Variants in GASK1A observed in about 807,000 individuals in gnomAD.
The protein encoded by GASK1A is golgi associated kinase 1A.
In GASK1A, 40 loss-of-function variants were observed where a neutral mutation model predicts 41.2. That is an observed-to-expected ratio of 0.97 (90% CI 0.75 to 1.27). GASK1A has a LOEUF of 1.27. Among genes scored for constraint, GASK1A ranks in the 50% most tolerant of loss-of-function variants. The probability of loss-of-function intolerance (pLI) is 0.00; values close to 1 mark genes in which losing one functional copy is unlikely to be tolerated. For synonymous variants in GASK1A, 316 were observed against 307.1 expected (o/e 1.03, Z -0.30); for missense variants, 678 against 745.1 (o/e 0.91, Z 1.05).
At chr3:43,015,901 G>GAGGGGCAGTGTAAAGCCACAGGT (rs2089488634) in intron 1 of GASK1A, among the ~76,000 whole-genome samples, 3 of 146,820 alleles carry the variant, frequency 2.0e-5, no homozygotes, top group Non-Finnish European at 4.5e-5. Context: ...AAGCCACAGG[G>GAGGGGCAGTGTAAAGCCACAGGT]AGGGGCAGTG....
chr3:43,044,410 C>T (rs531249365), intron 2 of GASK1A, among the ~76,000 whole-genome samples: 106 of 152,062 alleles, frequency 7.0e-4, no homozygotes, highest in Non-Finnish European at 1.4e-3. Flanking sequence ...AGTGCTTTTT[C>T]GGAGGGAACC....
intron 1 of GASK1A, among the ~76,000 whole-genome samples, chr3:42,985,297 C>T (rs998937080): frequency 1.3e-5 from 2 of 152,132 alleles, no homozygotes; most frequent in Admixed American, 1.3e-4. Flanking sequence ...CTGAGTCTTA[C>T]TCCCAAGTGA....
chr3:43,056,099 A>G (rs931309119), intron 4 of GASK1A, 77 bp from the exon 5 acceptor site: 2 of 1,201,834 alleles, frequency 1.7e-6, no homozygotes, highest in Non-Finnish European at 2.3e-6. Flanking sequence ...GCCATCTGGC[A>G]TCACCTGTTA....
At chr3:43,000,775 C>G (rs2089404785) in intron 1 of GASK1A, among the ~76,000 whole-genome samples, 1 of 152,186 alleles carries the variant, frequency 6.6e-6, no homozygotes, top group Admixed American at 6.5e-5. Context: ...TACAGTCATT[C>G]AACACACGGA....
chr3:43,002,865 C>T (rs1559398752), intron 1 of GASK1A, among the ~76,000 whole-genome samples: 1 of 152,168 alleles, frequency 6.6e-6, no homozygotes, highest in Non-Finnish European at 1.5e-5. Context: ...CATTGGTTTA[C>T]AGCCATCTCA....
chr3:43,029,147 A>G (rs971128844), intron 1 of GASK1A, among the ~76,000 whole-genome samples: 1 of 152,036 alleles, frequency 6.6e-6, no homozygotes, highest in Non-Finnish European at 1.5e-5. Flanking sequence ...AGGTGGATGG[A>G]AAGTATCCAT....
chr3:43,038,810 G>A (rs183970768), intron 2 of GASK1A, among the ~76,000 whole-genome samples: 16 of 152,196 alleles, frequency 1.1e-4, no homozygotes, highest in African/African-American at 3.4e-4. Context: ...TCAGAAGTGA[G>A]GTGTAATTCC....
Position 42,988,009 on chromosome 3 carries a change from A to AAAAAAAAAAAAT in GASK1A, c.3+8364_3+8365insAAAAAAAAAAAT, listed in dbSNP as rs1553613460. Among the ~76,000 whole-genome samples, 3 of 149,854 alleles carry AAAAAAAAAAAAT rather than the reference A, an allele frequency of 2.0e-5. 1 individual carries two copies. Among genetic ancestry groups the AAAAAAAAAAAAT allele is most frequent in the Non-Finnish European group, 4.5e-5 (3 of 67,258 alleles). ...GCGAGACTCTAGCTCAAAAAAAAAAAGGGATGGGGGTAGGATAGAGAGAAT... is the reference window on the plus strand; with the variant it reads ...GCGAGACTCTAGCTCAAAAAAAAAAAAAAAAAAAAAATGGGATGGGGGTAGGATAGAGAGAAT... On this transcript the variant is annotated intron_variant, in intron 1 of 4. Transcript: ENST00000430121.
In GASK1A at chr3:43,005,690, G is replaced by GA. The variant is rs747258514; in HGVS notation, c.3+26054dup. Among the ~76,000 whole-genome samples the GA allele has an allele frequency of 9.9e-4, 150 of 151,424 alleles. 1 individual carries two copies. Among genetic ancestry groups the GA allele is most frequent in the African/African-American group, 3.3e-3 (138 of 41,312 alleles). On this transcript the variant is annotated intron_variant, in intron 1 of 4. Coordinates refer to ENST00000430121, the MANE Select transcript of GASK1A (RefSeq NM_001129908.3). ...AGAAGATGAAAGTTTCTCTACTTAA[G>GA]AAAAAAAAATCGTAGGCTGGGGTTG...
chr3:42,987,151 G>A (rs1427848350), intron 1 of GASK1A, among the ~76,000 whole-genome samples: 4 of 152,270 alleles, frequency 2.6e-5, no homozygotes, highest in African/African-American at 7.2e-5. Flanking sequence ...TGCCATGAGA[G>A]CACACCTGAA....
chr3:43,007,079 T>C (rs927281444), intron 1 of GASK1A, among the ~76,000 whole-genome samples: 2 of 152,226 alleles, frequency 1.3e-5, no homozygotes, highest in Non-Finnish European at 2.9e-5. Context: ...CAGCCATTGC[T>C]ATTGAAGCTT....
intron 3 of GASK1A, 30 bp from the exon 4 acceptor site, chr3:43,055,402 C>T: frequency 2.0e-6 from 3 of 1,512,372 alleles, no homozygotes; most frequent in Non-Finnish European, 2.7e-6. Flanking sequence ...CCCTTACCCA[C>T]CTCTGTCTCT....
rs1318449096 is a variant in GASK1A, at chr3:43,055,524, G to A, written c.1506G>A (p.Glu502=). 1 of 1,551,664 alleles carries A rather than the reference G, an allele frequency of 6.4e-7. No individual in the cohort carries two copies. Among genetic ancestry groups the A allele is most frequent in the Non-Finnish European group, 8.7e-7 (1 of 1,146,728 alleles). The stretch of plus-strand genomic sequence containing the variant: ...ACAAGCTGAACTTTCGGCTGCTGGA[G>A]GGCATAGATGGGTGAGGGTCAAAAG... ...PEDKLNFRLL[E]GIDGFPESAV... Residue 502 remains glutamate, a synonymous_variant, in exon 4 of 5, where the codon GAG becomes GAA. Transcript: ENST00000430121.
chr3:43,000,829 G>T (rs1329171780), intron 1 of GASK1A, among the ~76,000 whole-genome samples: 1 of 152,248 alleles, frequency 6.6e-6, no homozygotes, highest in East Asian at 1.9e-4. Flanking sequence ...TTGGGGCAAA[G>T]TGGGGCACGG....
At chr3:43,027,533 A>G (rs1479360143) in intron 1 of GASK1A, among the ~76,000 whole-genome samples, 1 of 152,168 alleles carries the variant, frequency 6.6e-6, no homozygotes, top group East Asian at 1.9e-4. Context: ...AAAAGATAAT[A>G]CTAGTTATGA....
At chr3:43,049,154 T>C (rs1015870255) in intron 2 of GASK1A, among the ~76,000 whole-genome samples, 1 of 152,118 alleles carries the variant, frequency 6.6e-6, no homozygotes, top group East Asian at 1.9e-4. Context: ...GCAGGGAAGA[T>C]TGATTCTCTT....
Position 43,055,700 on chromosome 3 carries a change from G to A in GASK1A, c.1517+165G>A, listed in dbSNP as rs781645555. 87 of 609,150 alleles carry A rather than the reference G, an allele frequency of 1.4e-4. No homozygotes were observed. The Middle Eastern group carries it at 1.8e-3, about 13-fold the overall frequency. 37.7% of individuals were successfully genotyped at this position (609,150 alleles called of 1,614,324 possible). ...TGGTGGGGAGCCCTGGGAAAGCTGA[G>A]AGGGGATACAGTTGGCAGGGCCTAC... is the stretch of plus-strand genomic sequence containing the variant. On this transcript the variant is annotated intron_variant, in intron 4 of 4. Transcript: ENST00000430121.
At chr3:43,040,262 G>GGT (rs2089629668) in intron 2 of GASK1A, among the ~76,000 whole-genome samples, 4 of 85,658 alleles carry the variant, frequency 4.7e-5, no homozygotes, top group Non-Finnish European at 1.1e-4. Context: ...CCCTCAACTT[G>GGT]AAAGGCTACC....
intron 3 of GASK1A, chr3:43,054,193 G>C: frequency 5.1e-6 from 1 of 197,924 alleles, no homozygotes; most frequent in Non-Finnish European, 1.1e-5. Context: ...CTTCCCCCGG[G>C]GAAGGGCTTC....
Sources: allele counts gnomAD v4.1 joint callset (sites outside exome capture counted in the v4.1 genomes callset), GRCh38; gene constraint gnomAD v4.1.1; transcripts MANE v1.5; gene names NCBI Gene and HGNC (gene_info 2026-07-23, HGNC 2026-07-21).